Variants in EYA4 observed in about 807,000 individuals in gnomAD.
EYA4 encodes the protein EYA transcriptional coactivator and phosphatase 4, also known as protein phosphatase EYA4.
EYA4 carries 31 observed loss-of-function variants against 87.9 expected under a neutral mutation model. That is an observed-to-expected ratio of 0.35 (90% CI 0.27 to 0.48). EYA4 has a LOEUF of 0.48. EYA4 is among the 20% of genes least tolerant of loss of function. The pLI, the probability that EYA4 is intolerant of heterozygous loss-of-function variation, is 0.99. For missense variants in EYA4, 678 were observed against 761.4 expected (o/e 0.89, Z 1.29); for synonymous variants, 263 against 270.6 (o/e 0.97, Z 0.28).
chr6:133,241,205 G>T (rs1202927141), upstream of EYA4: 1 of 151,942 alleles, frequency 6.6e-6, no homozygotes, highest in East Asian at 1.9e-4. Flanking sequence ...GCGCGCCGCC[G>T]CCCCCCGCGT....
At chr6:133,360,538 T>C (rs996312028) in intron 2 of EYA4, 1 of 152,188 alleles carries the variant, frequency 6.6e-6, no homozygotes, top group Non-Finnish European at 1.5e-5. Context: ...ATCAAACAAG[T>C]GTTATTTTCA....
At chr6:133,396,426 G>A (rs1279330538) in intron 3 of EYA4, among the ~76,000 whole-genome samples, 2 of 152,166 alleles carry the variant, frequency 1.3e-5, no homozygotes, top group African/African-American at 2.4e-5. Context: ...AATGTGGTTT[G>A]GTGGGATGCC....
intron 1 of EYA4, among the ~76,000 whole-genome samples, chr6:133,263,355 G>A (rs1185697663): frequency 1.3e-5 from 2 of 152,126 alleles, no homozygotes. Flanking sequence ...CAAGATCTGG[G>A]TGCTTAAATT....
chr6:133,414,588 C>A (rs1308854120), intron 3 of EYA4, among the ~76,000 whole-genome samples: 1 of 152,126 alleles, frequency 6.6e-6, no homozygotes, highest in Non-Finnish European at 1.5e-5. Context: ...CAGGCTATAT[C>A]TCTTCAATTC....
Position 133,241,396 on chromosome 6 carries a change from T to C in EYA4, c.-419T>C, listed in dbSNP as rs1773927346. On this transcript the variant is annotated 5_prime_UTR_variant, in exon 1 of 20. Transcript: ENST00000355286. ...CTGTCCACGTGAAGTTGTCGCTGCC[T>C]TAGAGAGGGGGAAAGAGCTGCGGGA... The C allele has an allele frequency of 6.6e-6, 1 of 152,248 alleles. No homozygotes were observed. The highest frequency in any genetic ancestry group is 1.5e-5 in the Non-Finnish European group (1 of 68,094). The allele number at this position is 152,248 out of a possible 1,614,324, so 9.4% of individuals were successfully genotyped here.
intron 3 of EYA4, among the ~76,000 whole-genome samples, chr6:133,406,056 T>G (rs1418033605): frequency 6.6e-6 from 1 of 152,220 alleles, no homozygotes; most frequent in African/African-American, 2.4e-5. Flanking sequence ...CTTCTATCTA[T>G]CTATTTAGTA....
chr6:133,321,359 C>CTTGT (rs1181739390), intron 2 of EYA4, among the ~76,000 whole-genome samples: 31 of 152,106 alleles, frequency 2.0e-4, no homozygotes, highest in African/African-American at 7.2e-4. Context: ...TGTGCAGTCC[C>CTTGT]CTTTTCTGCA....
intron 14 of EYA4, among the ~76,000 whole-genome samples, chr6:133,506,544 C>T (rs1039399873): frequency 1.3e-5 from 2 of 152,166 alleles, no homozygotes; most frequent in African/African-American, 4.8e-5. Context: ...AAACGATATT[C>T]ACAGACACTA....
At chr6:133,467,419 G>C (rs955529983) in intron 10 of EYA4, among the ~76,000 whole-genome samples, 3 of 152,078 alleles carry the variant, frequency 2.0e-5, no homozygotes, top group African/African-American at 7.2e-5. Context: ...TGAGCCCTTA[G>C]AACAGTGCTT....
At chr6:133,520,712 A>T (rs905168245) in intron 17 of EYA4, among the ~76,000 whole-genome samples, 4 of 151,582 alleles carry the variant, frequency 2.6e-5, no homozygotes, top group Non-Finnish European at 5.9e-5. Context: ...AGCTGGAGGC[A>T]TCACACTACC....
Position 133,294,023 on chromosome 6 carries a change from TTATATATATATATA to T in EYA4, c.33+19237_33+19250del, listed in dbSNP as rs71771244. Among the ~76,000 whole-genome samples the T allele has an allele frequency of 4.6e-3, 362 of 78,782 alleles. 22 individuals carry two copies. Among genetic ancestry groups the T allele is most frequent in the Middle Eastern group, 0.026 (3 of 116 alleles). The allele number at this position is 78,782 out of a possible 152,430, so 51.7% of individuals were successfully genotyped here. A position where few individuals can be genotyped will look rare whatever the true frequency, so the allele number is the denominator to read the frequency against. ...AATTCCTGTGCTCCCTAGGGTGATT[TTATATATATATATA>T]TATATATATATATATATATATATAT... is the stretch of plus-strand genomic sequence containing the variant. On this transcript the variant is annotated intron_variant, in intron 2 of 19. Transcript: ENST00000355286.
At chr6:133,475,335 G>A (rs1325117384) in intron 11 of EYA4, among the ~76,000 whole-genome samples, 1 of 152,018 alleles carries the variant, frequency 6.6e-6, no homozygotes, top group Non-Finnish European at 1.5e-5. Context: ...TATTTTTATA[G>A]CGCCTCCTTT....
intron 13 of EYA4, among the ~76,000 whole-genome samples, chr6:133,484,322 T>A (rs1796506863): frequency 6.6e-6 from 1 of 152,240 alleles, no homozygotes; most frequent in Non-Finnish European, 1.5e-5. Context: ...TATCTCATGC[T>A]CATGCAGTTT....
At chr6:133,242,176 T>A (rs990881892) in intron 1 of EYA4, among the ~76,000 whole-genome samples, 2 of 152,326 alleles carry the variant, frequency 1.3e-5, no homozygotes, top group East Asian at 3.9e-4. Context: ...CGTGTATTAC[T>A]TTCTGATGAC....
At chr6:133,264,762 C>T (rs1375721118) in intron 1 of EYA4, among the ~76,000 whole-genome samples, 2 of 152,150 alleles carry the variant, frequency 1.3e-5, no homozygotes, top group Non-Finnish European at 2.9e-5. Flanking sequence ...GATGTGCCCC[C>T]TCCACTCCAT....
At chr6:133,380,289 G>C (rs911033974) in intron 2 of EYA4, among the ~76,000 whole-genome samples, 20 of 152,232 alleles carry the variant, frequency 1.3e-4, no homozygotes, top group African/African-American at 4.3e-4. Context: ...GTTAAGCATT[G>C]GTTATAAGTG....
At chr6:133,432,969 A>C (rs528765065) in intron 3 of EYA4, among the ~76,000 whole-genome samples, 1 of 152,034 alleles carries the variant, frequency 6.6e-6, no homozygotes, top group Admixed American at 6.5e-5. Context: ...ACACCCATTA[A>C]CTTTTTCTAG....
intron 17 of EYA4, among the ~76,000 whole-genome samples, chr6:133,517,286 C>A (rs1387237230): frequency 2.0e-5 from 3 of 150,728 alleles, no homozygotes; most frequent in Non-Finnish European, 4.4e-5. Context: ...AGGCTTAATA[C>A]CTGGATGATG....
intron 2 of EYA4, among the ~76,000 whole-genome samples, chr6:133,303,589 A>G (rs1377539589): frequency 6.6e-6 from 1 of 152,176 alleles, no homozygotes; most frequent in African/African-American, 2.4e-5. Context: ...TTAGTTGTAG[A>G]TATTTTGAAT....
Sources: allele counts gnomAD v4.1 joint callset (sites outside exome capture counted in the v4.1 genomes callset), GRCh38; gene constraint gnomAD v4.1.1; transcripts MANE v1.5; gene names NCBI Gene and HGNC (gene_info 2026-07-23, HGNC 2026-07-21).